The following COG7 variants were observed in gnomAD, a reference collection of about 807,000 sequenced individuals.
COG7 encodes the protein component of oligomeric golgi complex 7.
In COG7, 49 loss-of-function variants were observed where a neutral mutation model predicts 91.5. The ratio of observed to expected loss-of-function variants is 0.54; its 90% CI spans 0.43 to 0.68. COG7 has a LOEUF of 0.68. Among genes scored for constraint, COG7 ranks in the 30% least tolerant of loss-of-function variants. COG7 has a pLI of 0.00. For synonymous variants in COG7, 365 were observed against 388.7 expected (o/e 0.94, Z 0.72); for missense variants, 895 against 961.3 (o/e 0.93, Z 0.91).
chr16:23,450,750 C>T (rs1026944672), intron 1 of COG7, among the ~76,000 whole-genome samples: 3 of 151,808 alleles, frequency 2.0e-5, no homozygotes, highest in Non-Finnish European at 2.9e-5. Flanking sequence ...GAGAATTCCT[C>T]GAGCCCGAGA....
In COG7 at chr16:23,433,682, C is replaced by A; in HGVS notation, c.688-15G>T. Reference sequence around the variant, plus strand: ...AAAAGCTGCACCTGCAGAGACAGAACAAAGGGAACCTTATTGGGTACGTCA... The same window carrying A: ...AAAAGCTGCACCTGCAGAGACAGAAAAAAGGGAACCTTATTGGGTACGTCA... On this transcript the variant is annotated splice_polypyrimidine_tract_variant and intron_variant, in intron 5 of 16. Transcript: ENST00000307149. 2 of 1,613,904 alleles carry A rather than the reference C, an allele frequency of 1.2e-6. No individual in the cohort carries two copies. Among genetic ancestry groups the A allele is most frequent in the Non-Finnish European group, 1.7e-6 (2 of 1,179,916 alleles).
At chr16:23,422,859 A>G (rs565303811) in intron 7 of COG7, among the ~76,000 whole-genome samples, 183 of 152,102 alleles carry the variant, frequency 1.2e-3, no homozygotes, top group African/African-American at 4.3e-3. Context: ...CCTGGCCAAC[A>G]TGGTGAAACC....
chr16:23,400,188 G>C (rs1963351107), intron 13 of COG7, among the ~76,000 whole-genome samples: 1 of 152,078 alleles, frequency 6.6e-6, no homozygotes, highest in Admixed American at 6.6e-5. Context: ...CCCTGGGGAG[G>C]GTTTTGAATG....
intron 4 of COG7, among the ~76,000 whole-genome samples, chr16:23,439,594 A>T (rs1291726113): frequency 6.6e-6 from 1 of 152,242 alleles, no homozygotes; most frequent in Non-Finnish European, 1.5e-5. Context: ...ACGCTAAGCC[A>T]TAAAAGGAAA....
At chr16:23,415,870 C>T (rs1033888286) in intron 9 of COG7, 2 of 152,112 alleles carry the variant, frequency 1.3e-5, no homozygotes, top group African/African-American at 4.8e-5. Context: ...CCATTTGAAC[C>T]CTGCTCAAGT....
At position 23,393,337 on chromosome 16, in the gene COG7, T is replaced by C. The variant is rs1339317081; in HGVS notation, c.1898A>G (p.Tyr633Cys). The part of the protein sequence containing the change: ...PLEYISNIGQ[Y>C]IMSLPLNLEP... ...AAGATTCAGGGGGAGGGACATGATG[T>C]ACTGCCCGATCTGAAACAAAAGAAA... The change falls in exon 15 of 17, where the codon TAC (tyrosine) becomes TGC (cysteine). Residue 633 changes from tyrosine (Y) to cysteine (C), a missense_variant. Tyr to Cys is a radical substitution (Grantham distance 194). Transcript: ENST00000307149. 1 of 1,613,002 alleles carries C rather than the reference T, an allele frequency of 6.2e-7. No individual in the cohort carries two copies. Among genetic ancestry groups the C allele is most frequent in the East Asian group, 2.2e-5 (1 of 44,870 alleles).
chr16:23,442,701 T>A (rs1452807382), intron 3 of COG7, 56 bp from the exon 4 acceptor site: 3 of 1,448,456 alleles, frequency 2.1e-6, no homozygotes, highest in Non-Finnish European at 2.9e-6. Flanking sequence ...CTGCCTCAAT[T>A]GGGAATAGAT....
intron 1 of COG7, chr16:23,446,325 A>AT (rs1964181655): frequency 6.0e-6 from 2 of 332,760 alleles, no homozygotes; most frequent in Admixed American, 9.4e-5. Flanking sequence ...CACGGCGGTC[A>AT]TTAGCAGCCA....
chr16:23,406,092 A>G lies in COG7; in HGVS notation c.1646T>C (p.Ile549Thr), dbSNP rs140625370. 14 of 1,613,998 alleles carry G rather than the reference A, an allele frequency of 8.7e-6. No individual in the cohort carries two copies. The African/African-American group carries it at 1.7e-4, about 20-fold the overall frequency. The change falls in exon 12 of 17, where the codon ATA (isoleucine) becomes ACA (threonine). Residue 549 changes from isoleucine to threonine, a missense_variant. Transcript: ENST00000307149. ...NPAEYASLME[I>T]LYTLKEKGSS... is the part of the protein sequence containing the mutation. ...GTCTCATACCTTAAGGGTATAAAGT[A>G]TTTCCATTAAACTGGCATATTCAGC...
intron 14 of COG7, chr16:23,393,657 T>C (rs1488956583): frequency 5.1e-6 from 2 of 390,166 alleles, no homozygotes; most frequent in South Asian, 2.4e-5. Flanking sequence ...ATTTGAAGCA[T>C]TGTGTAAATA....
chr16:23,442,294 A>C (rs1262692832), intron 4 of COG7, among the ~76,000 whole-genome samples, 183 bp downstream of exon 4: 1 of 150,260 alleles, frequency 6.7e-6, no homozygotes. Context: ...AGATTGCGCC[A>C]CTACACTCCA....
intron 14 of COG7, among the ~76,000 whole-genome samples, chr16:23,397,137 G>T (rs1963298260): frequency 6.6e-6 from 1 of 151,998 alleles, no homozygotes; most frequent in African/African-American, 2.4e-5. Context: ...TCAAATTTTT[G>T]GGCTCAAGCA....
rs1567337437 is a variant in COG7, at chr16:23,418,736, C to G, written c.1101G>C (p.Glu367Asp). 6.2e-7 allele frequency: 1 copy of G among 1,614,002 alleles called. No homozygotes were observed. The highest frequency in any genetic ancestry group is 1.1e-5 in the South Asian group (1 of 91,068). The change falls in exon 8 of 17, where the codon GAG becomes GAC. Residue 367 changes from glutamate to aspartate, a missense_variant. Physicochemically the swap from Glu to Asp is conservative, Grantham distance 45 (BLOSUM62 2). Coordinates refer to ENST00000307149, the MANE Select transcript of COG7 (RefSeq NM_153603.4). ...CACTCATCTGGATGAGGAGGTTGCT[C>G]TCTTCCATGTCGCCATACTTCAGCT... is the stretch of plus-strand genomic sequence containing the variant. ...PYQLKYGDME[E>D]SNLLIQMSAV...
Position 23,453,009 on chromosome 16 carries a change from A to G in COG7, c.-15T>C, listed in dbSNP as rs536610628. Reference sequence around the variant, plus strand: ...GAGAAGTCCATGGCGGAACTGCCTCAGGCCTGGCGTCCAGAACTTAAGAGT... The same window carrying G: ...GAGAAGTCCATGGCGGAACTGCCTCGGGCCTGGCGTCCAGAACTTAAGAGT... On this transcript the variant is annotated 5_prime_UTR_variant, in exon 1 of 17. Transcript: ENST00000307149. The G allele has an allele frequency of 1.4e-5, 23 of 1,613,958 alleles. No individual in the cohort carries two copies. In the South Asian group the frequency reaches 2.4e-4, roughly 17 times the overall value.
At chr16:23,448,687 ACT>A (rs1170939967) in intron 1 of COG7, among the ~76,000 whole-genome samples, 1 of 151,394 alleles carries the variant, frequency 6.6e-6, no homozygotes, top group South Asian at 2.1e-4. Flanking sequence ...TGCATATGTT[ACT>A]CTCTCTCTCT....
At chr16:23,445,710 G>T in intron 2 of COG7, 103 bp downstream of exon 2, 3 of 1,135,252 alleles carry the variant, frequency 2.6e-6, no homozygotes, top group Non-Finnish European at 4.0e-6. Flanking sequence ...AGTGATGGTT[G>T]GCCTCCCAAA....
At position 23,424,865 on chromosome 16, in the gene COG7, A is replaced by AG; in HGVS notation, c.892dup (p.Leu298ProfsTer41). The AG allele has an allele frequency of 6.2e-7, 1 of 1,614,202 alleles. No individual in the cohort carries two copies. The highest frequency in any genetic ancestry group is 8.5e-7 in the Non-Finnish European group (1 of 1,180,036). ...CCCTGCCCTCTCCACGCCGTTGCTG[A>AG]GGCAGGAGGGCAGCGAGGGCATGAG... On this transcript the variant is annotated frameshift_variant, in exon 7 of 17. Transcript: ENST00000307149. LOFTEE classifies it high-confidence loss of function.
intron 13 of COG7, among the ~76,000 whole-genome samples, chr16:23,399,473 A>C (rs924672063): frequency 1.3e-5 from 2 of 152,196 alleles, no homozygotes; most frequent in African/African-American, 4.8e-5. Flanking sequence ...AAGAAATGTA[A>C]GATTTGCTCC....
rs1439469224 is a variant in COG7, at chr16:23,406,210, G to A, written c.1528C>T (p.Leu510=). Residue 510 remains leucine (L), a synonymous_variant, in exon 12 of 17, where the codon CTG becomes TTG. Transcript: ENST00000307149. ...AAGATGCTCTCCTGAAAACCAGCCA[G>A]GCTCCGGGGGCTGCAGGAATCAGAT... is the stretch of plus-strand genomic sequence containing the variant. ...YLSDSCSPRS[L]AGFQESILTD... 6.2e-7 allele frequency: 1 copy of A among 1,614,066 alleles called. No homozygotes were observed. Among genetic ancestry groups the A allele is most frequent in the African/African-American group, 1.3e-5 (1 of 74,924 alleles).
Sources: allele counts gnomAD v4.1 joint callset (sites outside exome capture counted in the v4.1 genomes callset), GRCh38; gene constraint gnomAD v4.1.1; transcripts MANE v1.5; gene names NCBI Gene and HGNC (gene_info 2026-07-23, HGNC 2026-07-21).